Variants in DMXL1 observed in about 807,000 individuals in gnomAD.
DMXL1 encodes Dmx like 1, also known as dmX-like protein 1.
In DMXL1, 99 loss-of-function variants were observed where a neutral mutation model predicts 319.2. The observed-to-expected ratio is 0.31, with a 90% confidence interval of 0.26 to 0.37. DMXL1 has a LOEUF of 0.37. DMXL1 is among the 10% of genes least tolerant of loss of function. The pLI, the probability that DMXL1 is intolerant of heterozygous loss-of-function variation, is 1.00. For missense variants in DMXL1, 3,745 were observed against 3,595.6 expected (o/e 1.04, Z -1.06); for synonymous variants, 1,385 against 1,235.2 (o/e 1.12, Z -2.54).
chr5:119,089,292 ATT>A (rs1157921856), intron 1 of DMXL1, among the ~76,000 whole-genome samples: 21 of 39,870 alleles, frequency 5.3e-4, no homozygotes, highest in Middle Eastern at 0.022. Flanking sequence ...ATATATATAT[ATT>A]TTTTTTTTTT....
chr5:119,119,059 C>A, intron 8 of DMXL1, 55 bp downstream of exon 8: 2 of 1,225,450 alleles, frequency 1.6e-6, no homozygotes, highest in South Asian at 1.7e-5. Flanking sequence ...TGGTACATTG[C>A]CTTTTTGGTA....
intron 38 of DMXL1, among the ~76,000 whole-genome samples, chr5:119,225,096 T>C (rs551142363): frequency 1.3e-5 from 2 of 152,144 alleles, no homozygotes; most frequent in South Asian, 4.1e-4. Context: ...TCTGGATTTC[T>C]TTGATCATGC....
At chr5:119,090,572 T>C (rs1383069257) in intron 1 of DMXL1, among the ~76,000 whole-genome samples, 10 of 151,172 alleles carry the variant, frequency 6.6e-5, no homozygotes, top group African/African-American at 2.2e-4. Flanking sequence ...TTTTTTTTTT[T>C]TTTCTTTGAG....
intron 1 of DMXL1, among the ~76,000 whole-genome samples, chr5:119,087,144 C>CTT (rs148040487): frequency 4.7e-5 from 7 of 149,994 alleles, no homozygotes; most frequent in African/African-American, 1.7e-4. Context: ...TTTCATTGAT[C>CTT]TTTTTTTTTG....
chr5:119,244,446 C>T lies in DMXL1; in HGVS notation c.8792C>T (p.Thr2931Ile). ...LLISGGRKGF[T>I]YVFDLCQRQQ... ...ATATCAGGTGGCAGAAAAGGTTTTA[C>T]ATATGTATTTGACCTTTGTCAACGA... is the stretch of plus-strand genomic sequence containing the variant. The change falls in exon 43 of 44, where the codon ACA (threonine) becomes ATA (isoleucine). Residue 2931 changes from threonine (T) to isoleucine (I), a missense_variant. Physicochemically the swap from Thr to Ile is moderately conservative, Grantham distance 89. This residue lies in a region of DMXL1 where 262 missense variants were observed against 320.5 expected (regional missense o/e 0.82). Transcript: ENST00000539542. 1 of 1,614,066 alleles carries T rather than the reference C, an allele frequency of 6.2e-7. No individual in the cohort carries two copies. Among genetic ancestry groups the T allele is most frequent in the Non-Finnish European group, 8.5e-7 (1 of 1,179,988 alleles).
At chr5:119,129,185 A>T in intron 9 of DMXL1, 26 bp from the exon 10 acceptor site, 1 of 1,460,784 alleles carries the variant, frequency 6.8e-7, no homozygotes, top group Non-Finnish European at 9.3e-7. Flanking sequence ...TAAAAATTTT[A>T]ATTTTATCTT....
At chr5:119,233,613 C>T (rs1425982306) in intron 39 of DMXL1, 146 bp downstream of exon 39, 3 of 568,606 alleles carry the variant, frequency 5.3e-6, no homozygotes, top group Non-Finnish European at 8.9e-6. Context: ...TCTCAAAGAA[C>T]ACTTAACTTC....
chr5:119,081,701 C>G (rs1752225997), intron 1 of DMXL1: 1 of 985,174 alleles, frequency 1.0e-6, no homozygotes, highest in African/African-American at 1.7e-5. Flanking sequence ...ACCAGAGGTA[C>G]CCTTGCTTAA....
chr5:119,201,031 C>A (rs562857486), intron 32 of DMXL1, among the ~76,000 whole-genome samples: 1 of 152,254 alleles, frequency 6.6e-6, no homozygotes, highest in East Asian at 1.9e-4. Context: ...AGTTTTACTT[C>A]CTCTCTTCCT....
At chr5:119,216,148 A>G (rs1055501904) in intron 34 of DMXL1, among the ~76,000 whole-genome samples, 17 of 147,384 alleles carry the variant, frequency 1.2e-4, no homozygotes, top group African/African-American at 4.2e-4. Context: ...ATAATGTCCT[A>G]TATTAGGCAA....
chr5:119,223,057 G>GTTTTTT (rs35683993), intron 37 of DMXL1, among the ~76,000 whole-genome samples: 1 of 123,430 alleles, frequency 8.1e-6, no homozygotes, highest in Non-Finnish European at 1.6e-5. Context: ...ACTTAGTTGT[G>GTTTTTT]TTTTTTTTTT....
chr5:119,120,530 C>G (rs529686113), intron 8 of DMXL1, among the ~76,000 whole-genome samples: 1 of 152,246 alleles, frequency 6.6e-6, no homozygotes, highest in African/African-American at 2.4e-5. Context: ...TATGAAAATG[C>G]TTTGTAAATT....
In DMXL1 at chr5:119,239,007, A is replaced by C; in HGVS notation, c.8578A>C (p.Lys2860Gln). 1 of 1,613,890 alleles carries C rather than the reference A, an allele frequency of 6.2e-7. No individual in the cohort carries two copies. Among genetic ancestry groups the C allele is most frequent in the Non-Finnish European group, 8.5e-7 (1 of 1,179,942 alleles). ...KPYLTWQCHN[K>Q]TANDFVFVSS... ...ATTCCAGACTTGGCAGTGTCATAAC[A>C]AAACAGCCAATGATTTTGTCTTCGT... Residue 2860 changes from lysine to glutamine, a missense_variant, in exon 41 of 44, where the codon AAA (lysine) becomes CAA (glutamine). Around this residue, in one of 4 missense-constraint regions of DMXL1, gnomAD observed 262 missense variants for 320.5 expected, o/e 0.82. Coordinates refer to ENST00000539542, the MANE Select transcript of DMXL1 (RefSeq NM_001290321.3).
chr5:119,246,208 T>C (rs545134140), intron 43 of DMXL1, among the ~76,000 whole-genome samples: 56 of 152,338 alleles, frequency 3.7e-4, no homozygotes, highest in African/African-American at 1.2e-3. Flanking sequence ...CTTTGTCTTA[T>C]AGTTAAAATA....
rs780375045 is a variant in DMXL1, at chr5:119,203,368, G to C, written c.7795G>C (p.Val2599Leu). ...TGTGAAGAGGCTTTGGCAGTATTTGGTGAAGCAGGAAGAAATTCAGGAAAC... is the reference window on the plus strand; with the variant it reads ...TGTGAAGAGGCTTTGGCAGTATTTGCTGAAGCAGGAAGAAATTCAGGAAAC... ...LSVKRLWQYL[V>L]KQEEIQETFI... The change falls in exon 33 of 44, where the codon GTG (valine) becomes CTG (leucine). Residue 2599 changes from valine (V) to leucine (L), a missense_variant. Coordinates refer to ENST00000539542, the MANE Select transcript of DMXL1 (RefSeq NM_001290321.3). The C allele has an allele frequency of 6.2e-7, 1 of 1,607,368 alleles. No homozygotes were observed. Among genetic ancestry groups the C allele is most frequent in the South Asian group, 1.1e-5 (1 of 89,986 alleles).
At chr5:119,183,664 G>T (rs1218749295) in intron 28 of DMXL1, among the ~76,000 whole-genome samples, 1 of 151,994 alleles carries the variant, frequency 6.6e-6, no homozygotes, top group Non-Finnish European at 1.5e-5. Context: ...GGTAGAGACG[G>T]GCTAGGCTGG....
intron 13 of DMXL1, among the ~76,000 whole-genome samples, 156 bp from the exon 14 acceptor site, chr5:119,143,685 A>C (rs958432518): frequency 3.3e-5 from 5 of 152,088 alleles, no homozygotes; most frequent in South Asian, 2.1e-4. Flanking sequence ...AATTCCTATA[A>C]AGACTAAAGA....
chr5:119,107,088 G>A (rs1352803371), intron 4 of DMXL1, among the ~76,000 whole-genome samples: 1 of 152,174 alleles, frequency 6.6e-6, no homozygotes, highest in Non-Finnish European at 1.5e-5. Context: ...TGTAATATCA[G>A]CACTTTAGGA....
chr5:119,129,513 CTT>C, intron 10 of DMXL1, 90 bp downstream of exon 10: 1 of 887,444 alleles, frequency 1.1e-6, no homozygotes, highest in South Asian at 1.8e-5. Context: ...TTGTAATAAA[CTT>C]TAAAGTTGCA....
Sources: gnomAD v4.1 joint callset for allele counts (sites outside exome capture counted in the v4.1 genomes callset) on GRCh38, gnomAD v4.1.1 for gene constraint, gnomAD v4.1.1 regional missense constraint, MANE v1.5 for transcripts, NCBI Gene and HGNC (gene_info 2026-07-23, HGNC 2026-07-21) for gene names.